IKZF1: variants seen among roughly 807,000 people sequenced by gnomAD.
The protein encoded by IKZF1 is IKAROS family zinc finger 1, also known as DNA-binding protein Ikaros.
Under a neutral mutation model 51.7 loss-of-function variants are expected in IKZF1, and 10 were observed. The observed-to-expected ratio is 0.19, with a 90% CI of 0.12 to 0.33. The LOEUF is 0.33. Among genes scored for constraint, IKZF1 ranks in the 10% least tolerant of loss-of-function variants. The pLI is 1.00. For missense variants in IKZF1, 484 were observed against 707.5 expected, an observed-to-expected ratio of 0.68 and a Z score of 3.58; for synonymous variants, 280 against 282.3, an observed-to-expected ratio of 0.99 and a Z score of 0.08.
chr7:50,377,159 A>G (rs1166627615), intron 4 of IKZF1: 7 of 201,762 alleles, frequency 3.5e-5, no homozygotes. Context: ...ATCCTGATAC[A>G]CCAAAACTTA....
At chr7:50,380,337 C>CGCCT (rs1190660532) in intron 4 of IKZF1, among the ~76,000 whole-genome samples, 1 of 152,162 alleles carries the variant, frequency 6.6e-6, no homozygotes, top group Non-Finnish European at 1.5e-5. Context: ...AACCCCTGCC[C>CGCCT]GCCTGCCTGC....
intron 3 of IKZF1, among the ~76,000 whole-genome samples, chr7:50,361,300 C>T (rs1275424401): frequency 6.6e-6 from 1 of 152,154 alleles, no homozygotes; most frequent in Non-Finnish European, 1.5e-5. Flanking sequence ...TCTAGAGGTG[C>T]CATCATAGTG....
At chr7:50,329,545 T>C (rs1354902797) in intron 3 of IKZF1, among the ~76,000 whole-genome samples, 1 of 152,200 alleles carries the variant, frequency 6.6e-6, no homozygotes. Flanking sequence ...AAAAATCAGT[T>C]TAAATAAAAA....
chr7:50,376,424 T>G lies in IKZF1; in HGVS notation c.161-109T>G. 1.3e-6 allele frequency: 2 copies of G among 1,515,300 alleles called. No individual in the cohort carries two copies. The highest frequency in any genetic ancestry group is 1.8e-6 in the Non-Finnish European group (2 of 1,131,518). The allele number at this position is 1,515,300 out of a possible 1,614,324, so 93.9% of individuals were successfully genotyped here. On this transcript the variant is annotated intron_variant, in intron 3 of 7. Coordinates refer to ENST00000331340, the MANE Select transcript of IKZF1 (RefSeq NM_006060.6). The surrounding 1 kb of genome is among the most constrained non-coding windows in gnomAD (Gnocchi z 4.5). ...CCCCTTGGTATTTGCTAAGAACTTC[T>G]GTTTAGTAGCTCTCCACACCTATTT... is the stretch of plus-strand genomic sequence containing the variant.
At chr7:50,375,737 C>T (rs1409149684) in intron 3 of IKZF1, among the ~76,000 whole-genome samples, 2 of 128,678 alleles carry the variant, frequency 1.6e-5, no homozygotes, top group Non-Finnish European at 3.1e-5. Flanking sequence ...CCAACAAACA[C>T]ACAAGCTTCT....
At chr7:50,317,279 C>T (rs1489549356) in intron 1 of IKZF1, among the ~76,000 whole-genome samples, 1 of 152,210 alleles carries the variant, frequency 6.6e-6, no homozygotes, top group Non-Finnish European at 1.5e-5. Flanking sequence ...GTGTGATAGG[C>T]CGCGCTAAAA....
upstream of IKZF1, chr7:50,304,110 A>T (rs1327078862): frequency 6.9e-6 from 1 of 144,668 alleles, no homozygotes; most frequent in Non-Finnish European, 1.5e-5. Context: ...CGGCGGCGCC[A>T]GCAGGTACGG....
chr7:50,306,227 A>C (rs942304987), intron 1 of IKZF1, among the ~76,000 whole-genome samples: 2 of 152,246 alleles, frequency 1.3e-5, no homozygotes, highest in African/African-American at 4.8e-5. Context: ...CACATTAAAA[A>C]TACTACACTA....
chr7:50,379,306 C>T (rs928715745), intron 4 of IKZF1, among the ~76,000 whole-genome samples: 2 of 152,214 alleles, frequency 1.3e-5, no homozygotes, highest in African/African-American at 4.8e-5. Flanking sequence ...GCCATTGTTC[C>T]TCCTCCTGCC....
At chr7:50,336,396 G>A (rs1478354813) in intron 3 of IKZF1, among the ~76,000 whole-genome samples, 3 of 152,200 alleles carry the variant, frequency 2.0e-5, no homozygotes, top group Non-Finnish European at 4.4e-5. Flanking sequence ...AAGGGGTGGA[G>A]GTGGCAGGAG....
intron 3 of IKZF1, among the ~76,000 whole-genome samples, chr7:50,374,740 A>G (rs1381661663): frequency 6.6e-6 from 1 of 152,126 alleles, no homozygotes; most frequent in Admixed American, 6.5e-5. Flanking sequence ...TTCCATTTTC[A>G]TGGATGAGGA....
At chr7:50,328,392 G>A (rs1002317566) in intron 3 of IKZF1, 13 of 152,178 alleles carry the variant, frequency 8.5e-5, no homozygotes, top group African/African-American at 2.4e-4. Flanking sequence ...AACCAAAGAC[G>A]GAGAGAAGTT....
chr7:50,345,863 C>G (rs533582352), intron 3 of IKZF1, among the ~76,000 whole-genome samples: 109 of 152,264 alleles, frequency 7.2e-4, no homozygotes, highest in African/African-American at 2.6e-3. Context: ...CAAGGTGAAA[C>G]CTCATCTCTA....
intron 3 of IKZF1, among the ~76,000 whole-genome samples, chr7:50,361,008 T>C (rs1336700389): frequency 1.3e-5 from 2 of 152,228 alleles, no homozygotes; most frequent in Admixed American, 6.5e-5. Context: ...ATCTCCCTTA[T>C]TAGAATAAAA....
chr7:50,378,045 A>C (rs1224760499), intron 4 of IKZF1, among the ~76,000 whole-genome samples: 1 of 152,266 alleles, frequency 6.6e-6, no homozygotes, highest in African/African-American at 2.4e-5. Context: ...GCGAACAAAA[A>C]TATGTTCATC....
At chr7:50,351,018 T>G (rs1213974038) in intron 3 of IKZF1, among the ~76,000 whole-genome samples, 1 of 152,276 alleles carries the variant, frequency 6.6e-6, no homozygotes, top group East Asian at 1.9e-4. Context: ...ACACAGTAAC[T>G]CTTAATTGTT....
chr7:50,395,422 C>T (rs6956528), intron 7 of IKZF1, among the ~76,000 whole-genome samples: 107,494 of 152,068 alleles, frequency 0.71, 38,695 homozygotes, highest in Non-Finnish European at 0.77. Context: ...AAAATATGTA[C>T]TATGAAAAAC....
rs769512073 is a variant in IKZF1, at chr7:50,400,241, A to C, written c.1174A>C (p.Asn392His). 14 of 1,609,058 alleles carry C rather than the reference A, an allele frequency of 8.7e-6. No individual in the cohort carries two copies. The African/African-American group carries it at 1.7e-4, about 20-fold the overall frequency. The change falls in exon 8 of 8, where the codon AAC becomes CAC. Residue 392 changes from asparagine to histidine, a missense_variant. Asn to His is a moderately conservative substitution (Grantham distance 68). Coordinates refer to ENST00000331340, the MANE Select transcript of IKZF1 (RefSeq NM_006060.6). This position sits in a 1 kb window ranked among gnomAD's most constrained non-coding sequence, Gnocchi z 5.4. ...VPSEREASPS[N>H]SCQDSTDTES... ...CTCGGAGCGCGAGGCGTCCCCGAGCAACAGCTGCCAAGACTCCACGGACAC... is the reference window on the plus strand; with the variant it reads ...CTCGGAGCGCGAGGCGTCCCCGAGCCACAGCTGCCAAGACTCCACGGACAC...
In IKZF1 at chr7:50,400,103, C is replaced by G; in HGVS notation, c.1036C>G (p.Pro346Ala). Residue 346 changes from proline (P) to alanine (A), a missense_variant, in exon 8 of 8, where the codon CCG becomes GCG. By Grantham distance (27) the Pro-to-Ala change is conservative. Transcript: ENST00000331340. This position sits in a 1 kb window ranked among gnomAD's most constrained non-coding sequence, Gnocchi z 5.4. ...GGSEVVPVISPMYQLHKPLAE... is the reference protein window; with the variant it reads ...GGSEVVPVISAMYQLHKPLAE... Reference sequence around the variant, plus strand: ...TTCCGAGGTGGTCCCGGTCATCAGCCCGATGTACCAGCTGCACAAGCCGCT... The same window carrying G: ...TTCCGAGGTGGTCCCGGTCATCAGCGCGATGTACCAGCTGCACAAGCCGCT... 6.4e-7 allele frequency: 1 copy of G among 1,564,510 alleles called. No homozygotes were observed. The highest frequency in any genetic ancestry group is 8.6e-7 in the Non-Finnish European group (1 of 1,157,264).
Sources: gnomAD v4.1 joint callset for allele counts (sites outside exome capture counted in the v4.1 genomes callset) on GRCh38, gnomAD v4.1.1 for gene constraint, Gnocchi (gnomAD v3.1) non-coding constraint, MANE v1.5 for transcripts, NCBI Gene and HGNC (gene_info 2026-07-23, HGNC 2026-07-21) for gene names.